The following CEP63 variants were observed in gnomAD, a reference collection of about 807,000 sequenced individuals.
The protein encoded by CEP63 is centrosomal protein of 63 kDa.
CEP63 carries 84 observed loss-of-function variants against 89.1 expected under a neutral mutation model. The ratio of observed to expected loss-of-function variants is 0.94; its 90% CI spans 0.79 to 1.13. The LOEUF (loss-of-function observed/expected upper bound fraction) is 1.13, where lower values mean the gene tolerates loss of function less well. CEP63 is among the 50% of genes most tolerant of loss of function. The pLI is 0.00. For missense variants in CEP63, 838 were observed against 813.3 expected, an observed-to-expected ratio of 1.03 and a Z score of -0.37; for synonymous variants, 267 against 272.5, an observed-to-expected ratio of 0.98 and a Z score of 0.20.
intron 3 of CEP63, among the ~76,000 whole-genome samples, chr3:134,518,629 A>G (rs1946744405): frequency 6.6e-6 from 1 of 152,224 alleles, no homozygotes; most frequent in Admixed American, 6.5e-5. Context: ...TGTGGAATGC[A>G]GCTAATGTGG....
At chr3:134,643,411 C>G in the CEP63 span, 1 of 1,594,400 alleles carries the variant, frequency 6.3e-7, no homozygotes, top group East Asian at 2.2e-5. Context: ...CCTGCAGTGA[C>G]CACTGGGGAA....
At chr3:134,664,749 T>C in the CEP63 span, among the ~76,000 whole-genome samples, 1 of 131,416 alleles carries the variant, frequency 7.6e-6, no homozygotes, top group Non-Finnish European at 1.6e-5. Flanking sequence ...CATGGAATGT[T>C]GGAAGAGTCT....
the CEP63 span, among the ~76,000 whole-genome samples, chr3:134,655,238 A>C: frequency 6.6e-6 from 1 of 152,296 alleles, no homozygotes; most frequent in Non-Finnish European, 1.5e-5. Flanking sequence ...TTGGAGATGG[A>C]GTATAGAAGG....
At chr3:134,780,118 G>A in the CEP63 span, among the ~76,000 whole-genome samples, 3 of 152,154 alleles carry the variant, frequency 2.0e-5, no homozygotes, top group Non-Finnish European at 4.4e-5. Flanking sequence ...CTATCAGTGG[G>A]TGAGAAGCAT....
chr3:134,549,358 G>A (rs1238430661), intron 10 of CEP63, among the ~76,000 whole-genome samples, 182 bp downstream of exon 10: 3 of 152,036 alleles, frequency 2.0e-5, no homozygotes, highest in African/African-American at 2.4e-5. Context: ...CTTTGGCATC[G>A]CCCCTGATGC....
chr3:134,490,815 C>T (rs1414959600), intron 1 of CEP63, among the ~76,000 whole-genome samples: 1 of 151,968 alleles, frequency 6.6e-6, no homozygotes, highest in Non-Finnish European at 1.5e-5. Context: ...ACCTTTCTTT[C>T]TTAGGTAAAA....
the CEP63 span, among the ~76,000 whole-genome samples, chr3:134,701,277 CATATATACGTATATATGTGTAT>C: frequency 7.8e-5 from 3 of 38,684 alleles, no homozygotes; most frequent in Non-Finnish European, 9.9e-5. Flanking sequence ...CATATACACA[CATATATACGTATATATGTGTAT>C]ATATACGTAT....
At chr3:134,536,704 G>A (rs1950840284) in intron 5 of CEP63, 2 of 223,134 alleles carry the variant, frequency 9.0e-6, no homozygotes, top group South Asian at 1.3e-4. Flanking sequence ...TAAGATTTGG[G>A]TTACCAAGGG....
At chr3:134,551,795 A>AT in intron 11 of CEP63, 131 bp from the exon 12 acceptor site, 1 of 215,382 alleles carries the variant, frequency 4.6e-6, no homozygotes, top group Non-Finnish European at 8.6e-6. Flanking sequence ...ATATATATAT[A>AT]AATATGTATA....
In CEP63 at chr3:134,531,827, C is replaced by T; in HGVS notation, c.223-18C>T. On this transcript the variant is annotated intron_variant, in intron 3 of 14. Coordinates refer to ENST00000675561, the MANE Select transcript of CEP63 (RefSeq NM_001353108.3). ...TCAATGCTAATAGTGAAAAATACTACCACCTTTCTGCTTTTAGGTTGGAAT... is the reference window on the plus strand; with the variant it reads ...TCAATGCTAATAGTGAAAAATACTATCACCTTTCTGCTTTTAGGTTGGAAT... The T allele has an allele frequency of 6.4e-7, 1 of 1,571,064 alleles. No individual in the cohort carries two copies. The highest frequency in any genetic ancestry group is 1.7e-4 in the Middle Eastern group (1 of 5,956).
intron 3 of CEP63, among the ~76,000 whole-genome samples, chr3:134,520,747 A>C (rs1947261690): frequency 6.6e-6 from 1 of 152,194 alleles, no homozygotes; most frequent in Non-Finnish European, 1.5e-5. Context: ...TGAACATTTG[A>C]TTCATGACAA....
chr3:134,607,677 C>A, the CEP63 span: 3 of 985,770 alleles, frequency 3.0e-6, no homozygotes, highest in Non-Finnish European at 2.4e-6. Flanking sequence ...TTCTGGCCCT[C>A]CAGGGCAGCC....
At chr3:134,748,655 C>T in the CEP63 span, among the ~76,000 whole-genome samples, 3 of 152,148 alleles carry the variant, frequency 2.0e-5, no homozygotes, top group Admixed American at 1.3e-4. Context: ...AGCCCCCATG[C>T]CTGTATGCTG....
At chr3:134,487,682 A>G (rs574603263) in intron 1 of CEP63, among the ~76,000 whole-genome samples, 2 of 152,300 alleles carry the variant, frequency 1.3e-5, no homozygotes, top group African/African-American at 4.8e-5. Context: ...CCCCATCAGG[A>G]GCTAGGTTTT....
chr3:134,686,353 C>G, the CEP63 span, among the ~76,000 whole-genome samples: 674 of 152,264 alleles, frequency 4.4e-3, 3 homozygotes, highest in African/African-American at 0.015. Flanking sequence ...AAGGTAGGCT[C>G]AAGTTACTGA....
the CEP63 span, among the ~76,000 whole-genome samples, chr3:134,663,105 A>G: frequency 4.1e-4 from 62 of 152,294 alleles, 1 homozygote; most frequent in African/African-American, 1.4e-3. Flanking sequence ...CTCACTGCTA[A>G]TGCTTCAGCC....
chr3:134,568,539 A>G (rs1374796568), downstream of CEP63, among the ~76,000 whole-genome samples: 1 of 152,170 alleles, frequency 6.6e-6, no homozygotes, highest in African/African-American at 2.4e-5. Flanking sequence ...TCAGCCCAGC[A>G]TGGAACCCCA....
chr3:134,779,917 T>C, the CEP63 span: 8 of 152,350 alleles, frequency 5.3e-5, no homozygotes, highest in Admixed American at 5.2e-4. Context: ...TTATTGTTAG[T>C]ATCTTTATTA....
Position 134,564,327 on chromosome 3 carries a change from A to C in CEP63, c.*2792A>C, listed in dbSNP as rs1056233348. 2 of 985,110 alleles carry C rather than the reference A, an allele frequency of 2.0e-6. No homozygotes were observed. Among genetic ancestry groups the C allele is most frequent in the Non-Finnish European group, 2.4e-6 (2 of 829,890 alleles). 61.0% of individuals were successfully genotyped at this position (985,110 alleles called of 1,614,324 possible). On this transcript the variant is annotated 3_prime_UTR_variant, in exon 15 of 15. Coordinates refer to ENST00000675561, the MANE Select transcript of CEP63 (RefSeq NM_001353108.3). ...GTCCTTCAGTTTGTCTCCTCTTCCC[A>C]CACCCTGTCATGTGCTCCTAAAACT...
Sources: allele counts gnomAD v4.1 joint callset (sites outside exome capture counted in the v4.1 genomes callset), GRCh38; gene constraint gnomAD v4.1.1; transcripts MANE v1.5; gene names NCBI Gene and HGNC (gene_info 2026-07-23, HGNC 2026-07-21).